Variants in PPP2R2C observed in about 807,000 individuals in gnomAD.
PPP2R2C encodes protein phosphatase 2, regulatory subunit B, gamma.
In PPP2R2C, 10 loss-of-function variants were observed where a neutral mutation model predicts 45.3. The ratio of observed to expected loss-of-function variants is 0.22; its 90% CI spans 0.14 to 0.37. PPP2R2C has a LOEUF of 0.37. Ranked by LOEUF, PPP2R2C falls within the 10% of genes least tolerant of loss-of-function variation. The pLI, the probability that PPP2R2C is intolerant of heterozygous loss-of-function variation, is 1.00. For synonymous variants in PPP2R2C, 257 were observed against 245.4 expected, an observed-to-expected ratio of 1.05 and a Z score of -0.44; for missense variants, 308 against 619.7, an observed-to-expected ratio of 0.50 and a Z score of 5.34.
upstream of PPP2R2C, among the ~76,000 whole-genome samples, chr4:6,475,788 C>T (rs912173485): frequency 7.2e-5 from 11 of 152,244 alleles, no homozygotes; most frequent in Non-Finnish European, 1.6e-4. Flanking sequence ...AGAGAACATG[C>T]ATGGAAAGTG....
chr4:6,523,273 A>G (rs1248104845), intron 2 of PPP2R2C, among the ~76,000 whole-genome samples: 1 of 152,146 alleles, frequency 6.6e-6, no homozygotes, highest in East Asian at 1.9e-4. Context: ...GAAAGAACAC[A>G]AGACTTCAGA....
chr4:6,491,540 C>A (rs1722699706), intron 2 of PPP2R2C, among the ~76,000 whole-genome samples: 1 of 152,166 alleles, frequency 6.6e-6, no homozygotes, highest in African/African-American at 2.4e-5. Context: ...CATCATGGGG[C>A]AGGTCTCTGG....
chr4:6,423,494 A>C (rs1719102334), intron 1 of PPP2R2C, among the ~76,000 whole-genome samples: 1 of 152,182 alleles, frequency 6.6e-6, no homozygotes, highest in Non-Finnish European at 1.5e-5. Flanking sequence ...ATTAGCCACC[A>C]CACCCGGCCC....
chr4:6,348,747 C>A (rs1249887010), intron 5 of PPP2R2C: 2 of 965,328 alleles, frequency 2.1e-6, no homozygotes, highest in East Asian at 2.3e-4. Flanking sequence ...AACCCTGGAG[C>A]TTGAGGGTGG....
rs1418272255 is a variant in PPP2R2C at position 6,471,430 on chromosome 4, A to AGGGTGG, written c.70+724_70+729dup. ...GCGCTGACCCACCAGCCTCGGGGGTAGGGTGGGGGTGGGGGTTGGGCTTGT... is the reference window on the plus strand; with the variant it reads ...GCGCTGACCCACCAGCCTCGGGGGTAGGGTGGGGGTGGGGGTGGGGGTTGGGCTTGT... On this transcript the variant is annotated intron_variant, in intron 1 of 8. Coordinates refer to ENST00000382599, the MANE Select transcript of PPP2R2C (RefSeq NM_020416.4). This position sits in a 1 kb window ranked among gnomAD's most constrained non-coding sequence, Gnocchi z 5.6. 7.1e-6 allele frequency: 1 copy of AGGGTGG among 140,008 alleles called. No individual in the cohort carries two copies. The highest frequency in any genetic ancestry group is 2.6e-5 in the African/African-American group (1 of 39,060). 8.7% of individuals were successfully genotyped at this position (140,008 alleles called of 1,614,324 possible). A position where few individuals can be genotyped will look rare whatever the true frequency, so the allele number is the denominator to read the frequency against.
Position 6,378,298 on chromosome 4 carries a change from G to T in PPP2R2C, c.334+109C>A. On this transcript the variant is annotated intron_variant, in intron 3 of 8. Coordinates refer to ENST00000382599, the MANE Select transcript of PPP2R2C (RefSeq NM_020416.4). This position sits in a 1 kb window ranked among gnomAD's most constrained non-coding sequence, Gnocchi z 5.2. ...TCAAAAAGGATATTATTTTCTAGGC[G>T]TTCTGAAGACATAGAAAAATGCTCA... 3.2e-6 allele frequency: 5 copies of T among 1,563,526 alleles called. No homozygotes were observed. Among genetic ancestry groups the T allele is most frequent in the Non-Finnish European group, 3.5e-6 (4 of 1,158,594 alleles).
chr4:6,356,821 G>A (rs1224845341), intron 5 of PPP2R2C, among the ~76,000 whole-genome samples: 1 of 152,214 alleles, frequency 6.6e-6, no homozygotes, highest in Non-Finnish European at 1.5e-5. Context: ...TGCGTCATCT[G>A]AGGCTCAGGG....
chr4:6,372,651 C>A lies in PPP2R2C; in HGVS notation c.497G>T (p.Arg166Met). 1 of 1,614,184 alleles carries A rather than the reference C, an allele frequency of 6.2e-7. No individual in the cohort carries two copies. The highest frequency in any genetic ancestry group is 8.5e-7 in the Non-Finnish European group (1 of 1,180,018). ...MDLMVEVSPRRIFANGHTYHI... is the reference protein window; with the variant it reads ...MDLMVEVSPRMIFANGHTYHI... ...GTAGGTGTGGCCATTGGCAAAGATC[C>A]TCCGAGGGCTCACCTCCACCATCAG... The change falls in exon 5 of 9, where the codon AGG becomes ATG. Residue 166 changes from arginine (R) to methionine (M), a missense_variant. Physicochemically the swap from Arg to Met is moderately conservative, Grantham distance 91. Transcript: ENST00000382599.
In PPP2R2C at chr4:6,539,814, C is replaced by G. The variant is rs368744097; in HGVS notation, c.-58-4437G>C. 6.5e-4 allele frequency among the ~76,000 whole-genome samples: 99 copies of G among 152,266 alleles called. 1 individual carries two copies. In the Middle Eastern group the frequency reaches 0.014, roughly 21 times the overall value. On this transcript the variant is annotated intron_variant, in intron 1 of 9. Coordinates refer to the PPP2R2C transcript ENST00000506140. ...CTTGCGGGCGATACAGGAGTCTCCC[C>G]ATACGACAAGTGAGGCCCCTGAGGC...
intron 5 of PPP2R2C, among the ~76,000 whole-genome samples, chr4:6,351,777 G>A (rs1453047326): frequency 6.6e-6 from 1 of 152,148 alleles, no homozygotes; most frequent in Non-Finnish European, 1.5e-5. Flanking sequence ...AGGGCCCAGA[G>A]CCGTGCCCAG....
intron 2 of PPP2R2C, among the ~76,000 whole-genome samples, chr4:6,511,567 G>A (rs201869434): frequency 1.3e-5 from 1 of 75,122 alleles, no homozygotes. Flanking sequence ...GGTGGTGGTG[G>A]TGGTGATGGC....
chr4:6,365,740 T>C (rs6831971), intron 5 of PPP2R2C, among the ~76,000 whole-genome samples: 113,387 of 152,184 alleles, frequency 0.75, 42,321 homozygotes, highest in African/African-American at 0.78. Context: ...CCAGCCCACC[T>C]GGCCGTGCGG....
intron 2 of PPP2R2C, among the ~76,000 whole-genome samples, chr4:6,527,332 T>A (rs548282134): frequency 6.6e-6 from 1 of 152,296 alleles, no homozygotes; most frequent in Admixed American, 6.5e-5. Context: ...TTTCTGGCTC[T>A]AAGAAAAGTC....
chr4:6,403,408 A>G (rs1717568049), intron 1 of PPP2R2C, among the ~76,000 whole-genome samples: 1 of 152,186 alleles, frequency 6.6e-6, no homozygotes, highest in African/African-American at 2.4e-5. Flanking sequence ...GAAAAAAAGA[A>G]AAAGAAACCG....
chr4:6,445,880 G>A (rs9291117), intron 1 of PPP2R2C, among the ~76,000 whole-genome samples: 20,843 of 152,130 alleles, frequency 0.14, 1,488 homozygotes, highest in African/African-American at 0.17. Context: ...CCACAGTGTC[G>A]CAGAACATAA....
intron 1 of PPP2R2C, among the ~76,000 whole-genome samples, chr4:6,464,432 C>T (rs745717357): frequency 1.7e-4 from 26 of 152,180 alleles, no homozygotes; most frequent in Admixed American, 1.3e-4. Flanking sequence ...GCACCCAAGA[C>T]ACTGGGAGAG....
intron 1 of PPP2R2C, 127 bp from the exon 2 acceptor site, chr4:6,381,221 G>A: frequency 6.5e-7 from 1 of 1,540,576 alleles, no homozygotes; most frequent in Non-Finnish European, 8.7e-7. Context: ...GCAGGAGGCA[G>A]CAGGGAGCCT....
At chr4:6,398,776 C>CA (rs1484774346) in intron 1 of PPP2R2C, among the ~76,000 whole-genome samples, 5 of 152,176 alleles carry the variant, frequency 3.3e-5, no homozygotes, top group Non-Finnish European at 7.3e-5. Context: ...CACAAACTCA[C>CA]AAAGGTGCAT....
intron 2 of PPP2R2C, among the ~76,000 whole-genome samples, chr4:6,528,113 C>T (rs1724276801): frequency 6.6e-6 from 1 of 152,258 alleles, no homozygotes; most frequent in African/African-American, 2.4e-5. Context: ...TGGTTACGGG[C>T]TGTGAAACTG....
Sources: allele counts gnomAD v4.1 joint callset (sites outside exome capture counted in the v4.1 genomes callset), GRCh38; gene constraint gnomAD v4.1.1; non-coding constraint Gnocchi (gnomAD v3.1); transcripts MANE v1.5; gene names NCBI Gene and HGNC (gene_info 2026-07-23, HGNC 2026-07-21).